Variants in TMEM232 observed in about 807,000 individuals in gnomAD.
The protein encoded by TMEM232 is transmembrane protein 232.
A neutral mutation model predicts 78.8 loss-of-function variants in TMEM232; 80 were observed. The ratio of observed to expected loss-of-function variants is 1.01; its 90% CI spans 0.85 to 1.22. The LOEUF is 1.22. Ranked by LOEUF, TMEM232 falls within the 50% of genes most tolerant of loss-of-function variation. TMEM232 has a pLI of 0.00. For missense variants in TMEM232, 881 were observed against 742.2 expected, an observed-to-expected ratio of 1.19 and a Z score of -2.17; for synonymous variants, 297 against 254.3, an observed-to-expected ratio of 1.17 and a Z score of -1.60.
intron 12 of TMEM232, among the ~76,000 whole-genome samples, chr5:110,458,447 T>C (rs1467022457): frequency 6.6e-6 from 1 of 152,164 alleles, no homozygotes; most frequent in Non-Finnish European, 1.5e-5. Context: ...CTCTGAATTT[T>C]CCAGGAGTGC....
At chr5:110,668,491 G>T (rs1347163489) in intron 1 of TMEM232, among the ~76,000 whole-genome samples, 1 of 152,088 alleles carries the variant, frequency 6.6e-6, no homozygotes, top group Non-Finnish European at 1.5e-5. Context: ...AAGTGAAGAA[G>T]AATGGAAAGC....
intron 1 of TMEM232, among the ~76,000 whole-genome samples, chr5:110,676,774 T>A (rs1021902989): frequency 1.4e-5 from 2 of 145,070 alleles, no homozygotes; most frequent in Admixed American, 6.9e-5. Context: ...TTTATTTATT[T>A]AATATACGGA....
intron 1 of TMEM232, among the ~76,000 whole-genome samples, chr5:110,686,693 A>G (rs1580662969): frequency 6.6e-6 from 1 of 152,206 alleles, no homozygotes; most frequent in Non-Finnish European, 1.5e-5. Flanking sequence ...ATAAGAGAAA[A>G]TACTGTATTT....
chr5:110,531,516 T>A (rs1771481619), intron 11 of TMEM232, among the ~76,000 whole-genome samples: 1 of 152,190 alleles, frequency 6.6e-6, no homozygotes, highest in Non-Finnish European at 1.5e-5. Context: ...CCTCTCTCAC[T>A]ATCCCTCAAT....
chr5:110,705,256 G>T (rs1247288379), intron 1 of TMEM232, among the ~76,000 whole-genome samples: 2 of 152,110 alleles, frequency 1.3e-5, no homozygotes, highest in Non-Finnish European at 2.9e-5. Flanking sequence ...TGATAACACA[G>T]CACTGGCCAG....
rs148918728 is a variant in TMEM232, at chr5:110,601,256, C to T, written c.1276+3853G>A. On this transcript the variant is annotated intron_variant, in intron 10 of 13. Coordinates refer to ENST00000455884, the MANE Select transcript of TMEM232 (RefSeq NM_001039763.4). ...TTCGACAACTGGCACCAAAGATGCC[C>T]TCTTTTACCACTCCTATTCAACATA... Among the ~76,000 whole-genome samples, 475 of 152,172 alleles carry T rather than the reference C, an allele frequency of 3.1e-3. 1 individual carries two copies. The highest frequency in any genetic ancestry group is 0.011 in the African/African-American group (459 of 41,536).
intron 10 of TMEM232, among the ~76,000 whole-genome samples, chr5:110,595,707 A>G (rs1395479234): frequency 1.3e-5 from 2 of 152,186 alleles, no homozygotes; most frequent in African/African-American, 4.8e-5. Context: ...GAAACAAAGC[A>G]TAAAGACAAA....
intron 12 of TMEM232, among the ~76,000 whole-genome samples, chr5:110,467,347 G>C (rs1249513244): frequency 6.6e-6 from 1 of 152,184 alleles, no homozygotes; most frequent in Non-Finnish European, 1.5e-5. Flanking sequence ...TCCTGGTAGA[G>C]AACAGAGAAA....
intron 8 of TMEM232, among the ~76,000 whole-genome samples, chr5:110,616,032 C>A (rs934579194): frequency 1.3e-5 from 2 of 151,848 alleles, no homozygotes; most frequent in African/African-American, 4.8e-5. Flanking sequence ...CAATTCCTAT[C>A]AAAATTTTAA....
intron 1 of TMEM232, among the ~76,000 whole-genome samples, chr5:110,680,589 C>T (rs1045648552): frequency 1.3e-5 from 2 of 152,064 alleles, no homozygotes; most frequent in East Asian, 3.9e-4. Flanking sequence ...CTAACATAAA[C>T]ATTTTTCTAT....
intron 11 of TMEM232, among the ~76,000 whole-genome samples, chr5:110,556,299 T>G (rs1775068976): frequency 6.6e-6 from 1 of 151,630 alleles, no homozygotes; most frequent in Non-Finnish European, 1.5e-5. Flanking sequence ...CCCTTCCTTC[T>G]CCTCCTTCCT....
chr5:110,528,551 G>A (rs1364825701), intron 12 of TMEM232, 37 bp downstream of exon 12: 14 of 1,487,110 alleles, frequency 9.4e-6, no homozygotes, highest in East Asian at 2.5e-5. Flanking sequence ...GAATTGTAAT[G>A]TATTAGAACA....
rs1275471253 is a variant in TMEM232 at position 110,718,127 on chromosome 5, A to G, written c.-13+8500T>C. Among the ~76,000 whole-genome samples, 2 of 152,108 alleles carry G rather than the reference A, an allele frequency of 1.3e-5. 1 individual carries two copies. Among genetic ancestry groups the G allele is most frequent in the African/African-American group, 4.8e-5 (2 of 41,428 alleles). Reference sequence around the variant, plus strand: ...ATATTAAAATTATACATATTTGTCAAATTTAGTATAAATCTACATATATTT... The same window carrying G: ...ATATTAAAATTATACATATTTGTCAGATTTAGTATAAATCTACATATATTT... On this transcript the variant is annotated intron_variant, in intron 1 of 13. Transcript: ENST00000455884.
chr5:110,640,831 T>C, intron 4 of TMEM232, 60 bp downstream of exon 4: 1 of 1,194,596 alleles, frequency 8.4e-7, no homozygotes, highest in Non-Finnish European at 1.1e-6. Flanking sequence ...TCTCAAATTA[T>C]GCCTTCACTG....
intron 1 of TMEM232, among the ~76,000 whole-genome samples, chr5:110,685,623 A>C (rs1793301542): frequency 6.6e-6 from 1 of 152,110 alleles, no homozygotes; most frequent in South Asian, 2.1e-4. Context: ...TTAACTGTAC[A>C]CCTACACCCT....
intron 1 of TMEM232, among the ~76,000 whole-genome samples, chr5:110,694,997 A>G (rs1014707122): frequency 3.9e-5 from 6 of 152,196 alleles, no homozygotes; most frequent in Admixed American, 2.6e-4. Context: ...AACAGAATAT[A>G]CATTCTTTTC....
chr5:110,522,981 G>A (rs1406356355), intron 12 of TMEM232, among the ~76,000 whole-genome samples: 2 of 152,128 alleles, frequency 1.3e-5, no homozygotes, highest in African/African-American at 4.8e-5. Flanking sequence ...GAGAAATGTT[G>A]GCTTTAATTG....
intron 12 of TMEM232, among the ~76,000 whole-genome samples, chr5:110,475,884 C>A (rs184652019): frequency 6.6e-6 from 1 of 152,006 alleles, no homozygotes; most frequent in South Asian, 2.1e-4. Context: ...AATTTCTAAC[C>A]AAAGTGGAAA....
intron 1 of TMEM232, among the ~76,000 whole-genome samples, chr5:110,700,819 T>TAGAC (rs1795357359): frequency 6.6e-6 from 1 of 151,594 alleles, no homozygotes; most frequent in Admixed American, 6.6e-5. Context: ...GATAGATAGA[T>TAGAC]AGATAGATAT....
Sources: gnomAD v4.1 joint callset for allele counts (sites outside exome capture counted in the v4.1 genomes callset) on GRCh38, gnomAD v4.1.1 for gene constraint, MANE v1.5 for transcripts, NCBI Gene and HGNC (gene_info 2026-07-23, HGNC 2026-07-21) for gene names.